The following AGO2 variants were observed in gnomAD, a reference collection of about 807,000 sequenced individuals.
The protein encoded by AGO2 is argonaute RISC catalytic component 2.
AGO2 carries 5 observed loss-of-function variants against 102.3 expected under a neutral mutation model. The ratio of observed to expected loss-of-function variants is 0.05; its 90% CI spans 0.03 to 0.10. The LOEUF (loss-of-function observed/expected upper bound fraction) is 0.10. AGO2 is among the 10% of genes least tolerant of loss of function. The pLI is 1.00. For missense variants in AGO2, 541 were observed against 1,183.7 expected (o/e 0.46, Z 7.97); for synonymous variants, 449 against 473.1 (o/e 0.95, Z 0.66).
chr8:140,597,466 GCCCC>G (rs201167667), intron 1 of AGO2, among the ~76,000 whole-genome samples: 2 of 48,424 alleles, frequency 4.1e-5, no homozygotes, highest in African/African-American at 8.3e-5. Flanking sequence ...GGGCTGGGTG[GCCCC>G]CCCACCCCCC....
In AGO2 at chr8:140,541,268, C is replaced by T. The variant is rs769158913; in HGVS notation, c.1930G>A (p.Ala644Thr). Residue 644 changes from alanine to threonine, a missense_variant, in exon 15 of 19, where the codon GCC (alanine) becomes ACC (threonine). Coordinates refer to ENST00000220592, the MANE Select transcript of AGO2 (RefSeq NM_012154.5). The part of the protein sequence containing the change: ...HRQEIIQDLA[A>T]MVRELLIQFY... ...TGGATGAGGAGCTCGCGGACCATGGCGGCCAGGTCTTGTATGATCTCCTGC... is the reference window on the plus strand; with the variant it reads ...TGGATGAGGAGCTCGCGGACCATGGTGGCCAGGTCTTGTATGATCTCCTGC... 60 of 1,613,366 alleles carry T rather than the reference C, an allele frequency of 3.7e-5. No homozygotes were observed. Among genetic ancestry groups the T allele is most frequent in the Non-Finnish European group, 4.8e-5 (57 of 1,179,862 alleles).
chr8:140,594,369 T>C (rs370418003), intron 1 of AGO2, among the ~76,000 whole-genome samples: 3 of 152,154 alleles, frequency 2.0e-5, no homozygotes, highest in East Asian at 3.8e-4. Flanking sequence ...AACAAAAATA[T>C]CCACAGAAAT....
chr8:140,591,392 G>C (rs1447129776), intron 1 of AGO2, among the ~76,000 whole-genome samples: 1 of 152,238 alleles, frequency 6.6e-6, no homozygotes, highest in Non-Finnish European at 1.5e-5. Context: ...CTGGAACGCT[G>C]CGCTGAGGCC....
At chr8:140,618,769 G>A (rs926270465) in intron 1 of AGO2, among the ~76,000 whole-genome samples, 17 of 151,764 alleles carry the variant, frequency 1.1e-4, no homozygotes, top group African/African-American at 3.4e-4. Flanking sequence ...GCAGTGAGCC[G>A]TGATTGTATT....
chr8:140,635,623 T>G lies in AGO2; in HGVS notation c.-117A>C. On this transcript the variant is annotated 5_prime_UTR_variant, in exon 1 of 19. Coordinates refer to ENST00000220592, the MANE Select transcript of AGO2 (RefSeq NM_012154.5). ...CACGATCCGCCCCGGCGCGGCCGCC[T>G]CGCCAAACAGGTTTACCCGACGCGG... The G allele has an allele frequency of 1.4e-6, 1 of 730,330 alleles. No individual in the cohort carries two copies. The highest frequency in any genetic ancestry group is 1.7e-6 in the Non-Finnish European group (1 of 601,504). The allele number at this position is 730,330 out of a possible 1,614,324, so 45.2% of individuals were successfully genotyped here. A position where few individuals can be genotyped will look rare whatever the true frequency, so the allele number is the denominator to read the frequency against.
chr8:140,539,433 C>G lies in AGO2; in HGVS notation c.2056G>C (p.Ala686Pro), dbSNP rs776411189. ...AGCTTGATACAGGCCTCACGGATGGCCAGCAACTCGTGGTGGAGAACCTAG... is the reference window on the plus strand; with the variant it reads ...AGCTTGATACAGGCCTCACGGATGGGCAGCAACTCGTGGTGGAGAACCTAG... ...FQQVLHHELLAIREACIKLEK... is the reference protein window; with the variant it reads ...FQQVLHHELLPIREACIKLEK... Residue 686 changes from alanine to proline, a missense_variant, in exon 16 of 19, where the codon GCC (alanine) becomes CCC (proline). Coordinates refer to ENST00000220592, the MANE Select transcript of AGO2 (RefSeq NM_012154.5). This position sits in a 1 kb window ranked among gnomAD's most constrained non-coding sequence, Gnocchi z 4.7. 6.2e-7 allele frequency: 1 copy of G among 1,613,516 alleles called. No homozygotes were observed. Among genetic ancestry groups the G allele is most frequent in the South Asian group, 1.1e-5 (1 of 91,040 alleles).
At chr8:140,629,047 C>T (rs995570393) in intron 1 of AGO2, among the ~76,000 whole-genome samples, 7 of 151,812 alleles carry the variant, frequency 4.6e-5, no homozygotes, top group South Asian at 2.1e-4. Context: ...GTCGACATTG[C>T]GCCACTGCCC....
intron 1 of AGO2, among the ~76,000 whole-genome samples, chr8:140,626,319 T>G (rs569033009): frequency 6.6e-6 from 1 of 152,304 alleles, no homozygotes; most frequent in South Asian, 2.1e-4. Context: ...TTATCAGAGA[T>G]AAGCCTTTTT....
At chr8:140,599,569 A>G (rs1016966596) in intron 1 of AGO2, among the ~76,000 whole-genome samples, 1 of 152,098 alleles carries the variant, frequency 6.6e-6, no homozygotes, top group Admixed American at 6.5e-5. Flanking sequence ...TACACTACCT[A>G]TGGGGTCCAG....
chr8:140,594,827 G>GTGTGTGTGTT (rs2073801568), intron 1 of AGO2, among the ~76,000 whole-genome samples: 2 of 145,942 alleles, frequency 1.4e-5, no homozygotes, highest in African/African-American at 5.0e-5. Context: ...GAAAAAAACT[G>GTGTGTGTGTT]TGTGTGTGTG....
In AGO2 at chr8:140,522,720, A is replaced by C. The variant is rs1400781241; in HGVS notation, c.*9324T>G. 1 of 86,116 alleles carries C rather than the reference A, an allele frequency of 1.2e-5. No individual in the cohort carries two copies. The highest frequency in any genetic ancestry group is 7.6e-4 in the East Asian group (1 of 1,318). The allele number at this position is 86,116 out of a possible 1,614,324, so 5.3% of individuals were successfully genotyped here. On this transcript the variant is annotated 3_prime_UTR_variant, in exon 19 of 19. Coordinates refer to ENST00000220592, the MANE Select transcript of AGO2 (RefSeq NM_012154.5). The stretch of plus-strand genomic sequence containing the variant: ...ACAGAGAGAGGGAGGGGGAGGGGGG[A>C]GAGGGGGAGAGAGAGAGAGAGAGAG...
At chr8:140,639,673 T>G (rs1458179120), upstream of AGO2, among the ~76,000 whole-genome samples, 3 of 152,012 alleles carry the variant, frequency 2.0e-5, no homozygotes, top group Non-Finnish European at 4.4e-5. Flanking sequence ...CTCAGGAGAC[T>G]GAGGTGGGAG....
intron 1 of AGO2, among the ~76,000 whole-genome samples, chr8:140,600,504 A>AACACCATCTCTACT (rs2073916667): frequency 6.6e-6 from 1 of 152,066 alleles, no homozygotes; most frequent in East Asian, 1.9e-4. Flanking sequence ...AACATGGAGA[A>AACACCATCTCTACT]ACACCATCTC....
At chr8:140,541,016 G>A in intron 15 of AGO2, 148 bp downstream of exon 15, 1 of 942,818 alleles carries the variant, frequency 1.1e-6, no homozygotes. Context: ...CTCCTCCCCT[G>A]GACCCCCTTC....
chr8:140,613,833 C>G (rs6578124), intron 1 of AGO2, among the ~76,000 whole-genome samples: 2 of 151,640 alleles, frequency 1.3e-5, no homozygotes, highest in African/African-American at 4.8e-5. Context: ...CTGGGCAACA[C>G]AGAGAGACCT....
chr8:140,584,004 T>C (rs773778773), intron 2 of AGO2, among the ~76,000 whole-genome samples: 7 of 152,206 alleles, frequency 4.6e-5, no homozygotes, highest in African/African-American at 7.2e-5. Context: ...TGGCCAAACG[T>C]TGTCATGCGG....
At chr8:140,577,619 C>A (rs1204641054) in intron 2 of AGO2, among the ~76,000 whole-genome samples, 1 of 152,150 alleles carries the variant, frequency 6.6e-6, no homozygotes, top group African/African-American at 2.4e-5. Context: ...TGGAGGGAGG[C>A]CATGGCGCTG....
chr8:140,550,207 C>T (rs1156233354), intron 11 of AGO2, among the ~76,000 whole-genome samples: 1 of 152,232 alleles, frequency 6.6e-6, no homozygotes, highest in Non-Finnish European at 1.5e-5. Flanking sequence ...GGCCACTCGC[C>T]AGCAAGACGT....
upstream of AGO2, chr8:140,638,101 G>A (rs1363741836): frequency 6.6e-6 from 1 of 152,312 alleles, no homozygotes; most frequent in Non-Finnish European, 1.5e-5. Context: ...CTGGCCTGCA[G>A]CTCTGCACAC....
Sources: gnomAD v4.1 joint callset for allele counts (sites outside exome capture counted in the v4.1 genomes callset) on GRCh38, gnomAD v4.1.1 for gene constraint, Gnocchi (gnomAD v3.1) non-coding constraint, MANE v1.5 for transcripts, NCBI Gene and HGNC (gene_info 2026-07-23, HGNC 2026-07-21) for gene names.